Variants in BAZ2B observed in about 807,000 individuals in gnomAD.
The protein encoded by BAZ2B is bromodomain adjacent to zinc finger domain protein 2B.
In BAZ2B, 91 loss-of-function variants were observed where a neutral mutation model predicts 246.0. The observed-to-expected ratio is 0.37, with a 90% CI of 0.31 to 0.44. The LOEUF (loss-of-function observed/expected upper bound fraction) is 0.44. Ranked by LOEUF, BAZ2B falls within the 20% of genes least tolerant of loss-of-function variation. The pLI is 1.00. For synonymous variants in BAZ2B, 855 were observed against 860.0 expected (o/e 0.99, Z 0.10); for missense variants, 2,332 against 2,533.7 (o/e 0.92, Z 1.71).
chr2:159,343,625 G>A (rs1462558007), intron 31 of BAZ2B, among the ~76,000 whole-genome samples: 2 of 151,792 alleles, frequency 1.3e-5, no homozygotes, highest in Admixed American at 6.6e-5. Flanking sequence ...CATATACATG[G>A]CCAACAAATA....
the BAZ2B span, among the ~76,000 whole-genome samples, chr2:159,687,718 A>G: frequency 1.3e-5 from 2 of 152,212 alleles, no homozygotes; most frequent in Non-Finnish European, 1.5e-5. Context: ...GTTGAACATG[A>G]GGCAGAGGTT....
At chr2:159,463,863 C>T (rs936490106) in intron 3 of BAZ2B, 1 of 152,188 alleles carries the variant, frequency 6.6e-6, no homozygotes, top group Non-Finnish European at 1.5e-5. Flanking sequence ...CATCACCACA[C>T]CCAGCTAATT....
the BAZ2B span, among the ~76,000 whole-genome samples, chr2:159,704,791 T>G: frequency 6.6e-6 from 1 of 151,980 alleles, no homozygotes; most frequent in Non-Finnish European, 1.5e-5. Flanking sequence ...TTTTTTTTGT[T>G]TTTTGAGTTC....
the BAZ2B span, chr2:159,712,239 G>T: frequency 1.3e-5 from 2 of 152,090 alleles, no homozygotes; most frequent in Non-Finnish European, 2.9e-5. Flanking sequence ...CCCGGCCCGG[G>T]CCTCCAGCGC....
chr2:159,582,865 T>C (rs1028692057), intron 1 of BAZ2B, among the ~76,000 whole-genome samples: 7 of 152,322 alleles, frequency 4.6e-5, no homozygotes, highest in Admixed American at 3.3e-4. Context: ...TAAATGCTTA[T>C]AATAATCAAT....
the BAZ2B span, among the ~76,000 whole-genome samples, chr2:159,678,349 C>T: frequency 6.6e-6 from 1 of 152,094 alleles, no homozygotes; most frequent in Admixed American, 6.5e-5. Flanking sequence ...ATACTTTTTC[C>T]ATTACAAAAT....
intron 1 of BAZ2B, among the ~76,000 whole-genome samples, chr2:159,599,768 C>A (rs1229694551): frequency 6.6e-6 from 1 of 151,762 alleles, no homozygotes; most frequent in Non-Finnish European, 1.5e-5. Context: ...AACCCCATCT[C>A]TACTAAAAAT....
At chr2:159,378,254 C>T (rs930962504) in intron 25 of BAZ2B, among the ~76,000 whole-genome samples, 1 of 152,154 alleles carries the variant, frequency 6.6e-6, no homozygotes, top group African/African-American at 2.4e-5. Flanking sequence ...ATATACCCTT[C>T]ATATTATTTG....
chr2:159,380,891 T>C lies in BAZ2B; in HGVS notation c.4005+1668A>G, dbSNP rs79725754. Among the ~76,000 whole-genome samples the C allele has an allele frequency of 8.2e-3, 1,253 of 152,296 alleles. 7 individuals carry two copies. The highest frequency in any genetic ancestry group is 0.013 in the Non-Finnish European group (859 of 68,006). On this transcript the variant is annotated intron_variant, in intron 25 of 36. Coordinates refer to ENST00000392783, the MANE Select transcript of BAZ2B (RefSeq NM_013450.4). ...TCTGGTTTCCTCTGGACTTTGCCCA[T>C]ATACTCTTTGCTGATTTTGCTTTGT...
At chr2:159,625,231 A>G in the BAZ2B span, among the ~76,000 whole-genome samples, 1 of 152,216 alleles carries the variant, frequency 6.6e-6, no homozygotes, top group East Asian at 1.9e-4. Flanking sequence ...AACAGAGAGA[A>G]TAGAACCAAG....
intron 3 of BAZ2B, among the ~76,000 whole-genome samples, chr2:159,478,068 T>A (rs960938911): frequency 1.3e-5 from 2 of 152,194 alleles, no homozygotes; most frequent in Non-Finnish European, 2.9e-5. Flanking sequence ...CTTCCCAAAG[T>A]GCTGGGATTA....
the BAZ2B span, among the ~76,000 whole-genome samples, chr2:159,661,562 C>A: frequency 6.6e-6 from 1 of 152,146 alleles, no homozygotes; most frequent in African/African-American, 2.4e-5. Flanking sequence ...TATTCCCACA[C>A]ATAGGGTTCT....
intron 13 of BAZ2B, 45 bp downstream of exon 13, chr2:159,427,896 T>C (rs2070280879): frequency 1.4e-6 from 2 of 1,453,064 alleles, no homozygotes; most frequent in Non-Finnish European, 1.9e-6. Flanking sequence ...TAGGTTATGG[T>C]ACTACTTTTT....
intron 1 of BAZ2B, among the ~76,000 whole-genome samples, chr2:159,608,486 C>A (rs1379825255): frequency 6.6e-6 from 1 of 152,192 alleles, no homozygotes; most frequent in East Asian, 1.9e-4. Context: ...AAATCCCAAA[C>A]CTGCATTTTA....
chr2:159,411,891 G>A, intron 14 of BAZ2B: 1 of 960,196 alleles, frequency 1.0e-6, no homozygotes, highest in Non-Finnish European at 1.2e-6. Flanking sequence ...CAAACTAAAA[G>A]ACTGGGGTTA....
intron 1 of BAZ2B, among the ~76,000 whole-genome samples, chr2:159,559,595 T>C (rs535092311): frequency 1.3e-5 from 2 of 152,244 alleles, no homozygotes; most frequent in East Asian, 3.9e-4. Flanking sequence ...CTAAAGCTCA[T>C]AGGATAAAAA....
chr2:159,435,835 T>C (rs2072178239), intron 8 of BAZ2B, among the ~76,000 whole-genome samples: 1 of 152,226 alleles, frequency 6.6e-6, no homozygotes. Flanking sequence ...TAACAAGCAG[T>C]AAGCAATGTA....
At chr2:159,320,534 A>C in intron 36 of BAZ2B, 116 bp from the exon 37 acceptor site, 1 of 806,218 alleles carries the variant, frequency 1.2e-6, no homozygotes, top group Non-Finnish European at 1.9e-6. Flanking sequence ...AACTGCATTT[A>C]AATTGATATA....
At chr2:159,525,108 G>A (rs1250598963) in intron 2 of BAZ2B, among the ~76,000 whole-genome samples, 1 of 152,112 alleles carries the variant, frequency 6.6e-6, no homozygotes, top group African/African-American at 2.4e-5. Context: ...ATTAACTGAG[G>A]ATGTCAGAAA....
Sources: allele counts gnomAD v4.1 joint callset (sites outside exome capture counted in the v4.1 genomes callset), GRCh38; gene constraint gnomAD v4.1.1; transcripts MANE v1.5; gene names NCBI Gene and HGNC (gene_info 2026-07-23, HGNC 2026-07-21).